NRXN3: variants seen among roughly 807,000 people sequenced by gnomAD.
NRXN3 encodes neurexin 3, also known as neurexin III.
In NRXN3, 32 loss-of-function variants were observed where a neutral mutation model predicts 137.6. The ratio of observed to expected loss-of-function variants is 0.23; its 90% CI spans 0.18 to 0.31. The LOEUF is 0.31. NRXN3 is among the 10% of genes least tolerant of loss of function. The pLI is 1.00. For synonymous variants in NRXN3, 798 were observed against 784.5 expected (o/e 1.02, Z -0.29); for missense variants, 1,574 against 2,062.5 (o/e 0.76, Z 4.59).
At chr14:79,602,349 A>T (rs934410779) in intron 16 of NRXN3, among the ~76,000 whole-genome samples, 3 of 152,226 alleles carry the variant, frequency 2.0e-5, no homozygotes, top group Admixed American at 6.5e-5. Flanking sequence ...GAGTTCATTG[A>T]CAGTGCTTAT....
intron 15 of NRXN3, among the ~76,000 whole-genome samples, chr14:79,309,957 T>C (rs1169386235): frequency 8.3e-6 from 1 of 120,720 alleles, no homozygotes; most frequent in Non-Finnish European, 1.6e-5. Context: ...TTTGTCAATT[T>C]TGGCTTTTGT....
intron 20 of NRXN3, among the ~76,000 whole-genome samples, chr14:79,837,566 C>A (rs1484974385): frequency 6.6e-6 from 1 of 152,090 alleles, no homozygotes; most frequent in African/African-American, 2.4e-5. Context: ...CAGAAATATC[C>A]CCATCTCTTT....
chr14:78,253,600 A>G (rs982348068), intron 2 of NRXN3, among the ~76,000 whole-genome samples: 1 of 152,128 alleles, frequency 6.6e-6, no homozygotes, highest in Non-Finnish European at 1.5e-5. Flanking sequence ...GCTTGAACCC[A>G]GGAGATAAAG....
At chr14:79,267,432 C>T (rs113861375) in intron 15 of NRXN3, among the ~76,000 whole-genome samples, 2 of 150,724 alleles carry the variant, frequency 1.3e-5, no homozygotes, top group African/African-American at 4.9e-5. Flanking sequence ...AATCTTGGCT[C>T]ACTGCAACCT....
intron 15 of NRXN3, among the ~76,000 whole-genome samples, chr14:79,319,470 G>A (rs2089578058): frequency 6.6e-6 from 1 of 152,206 alleles, no homozygotes; most frequent in Non-Finnish European, 1.5e-5. Flanking sequence ...CTTTTAGAAA[G>A]AGAAATAAAT....
chr14:79,773,493 T>C (rs2099086139), intron 19 of NRXN3, among the ~76,000 whole-genome samples: 1 of 151,448 alleles, frequency 6.6e-6, no homozygotes, highest in Non-Finnish European at 1.5e-5. Flanking sequence ...ATGGATGAAA[T>C]TGGAAATCAT....
intron 15 of NRXN3, among the ~76,000 whole-genome samples, chr14:79,295,887 T>C (rs2084014178): frequency 6.6e-6 from 1 of 152,282 alleles, no homozygotes; most frequent in South Asian, 2.1e-4. Context: ...TGTTTACTTT[T>C]TTCGCTATAG....
At chr14:79,727,196 G>A (rs2098895481) in intron 19 of NRXN3, among the ~76,000 whole-genome samples, 1 of 152,112 alleles carries the variant, frequency 6.6e-6, no homozygotes, top group African/African-American at 2.4e-5. Context: ...AGCATTTGCT[G>A]CTTTCTACTA....
intron 8 of NRXN3, among the ~76,000 whole-genome samples, chr14:78,784,059 CAT>C (rs2098780032): frequency 1.3e-5 from 1 of 76,136 alleles, no homozygotes; most frequent in African/African-American, 7.7e-5. Flanking sequence ...TCAGATAACA[CAT>C]GAGAAAAAAA....
chr14:79,316,029 G>T (rs746836982), intron 15 of NRXN3, among the ~76,000 whole-genome samples: 75 of 152,170 alleles, frequency 4.9e-4, no homozygotes, highest in Non-Finnish European at 9.6e-4. Context: ...CCATTGCTTT[G>T]TAAGGTGTAA....
chr14:79,552,893 G>C (rs569317354), intron 16 of NRXN3, among the ~76,000 whole-genome samples: 27 of 152,176 alleles, frequency 1.8e-4, no homozygotes, highest in Non-Finnish European at 3.4e-4. Context: ...GTGCCCTGGA[G>C]GTAGAGACTT....
chr14:79,277,004 T>C (rs1473468441), intron 15 of NRXN3, among the ~76,000 whole-genome samples: 3 of 152,142 alleles, frequency 2.0e-5, no homozygotes, highest in African/African-American at 7.2e-5. Flanking sequence ...GGAGATAAAC[T>C]ATGAACAAGT....
chr14:78,823,756 T>C (rs74509341), intron 10 of NRXN3, among the ~76,000 whole-genome samples: 2,504 of 152,178 alleles, frequency 0.016, 105 homozygotes, highest in South Asian at 0.12. Context: ...TAATACACTA[T>C]AGAAAGAGTC....
At chr14:79,242,486 G>A (rs965336102) in intron 15 of NRXN3, among the ~76,000 whole-genome samples, 7 of 152,146 alleles carry the variant, frequency 4.6e-5, no homozygotes, top group Non-Finnish European at 8.8e-5. Context: ...GCTTTGTGGC[G>A]TGTTTTAATT....
chr14:79,655,508 A>T (rs111868417), intron 16 of NRXN3, among the ~76,000 whole-genome samples: 1 of 152,312 alleles, frequency 6.6e-6, no homozygotes, highest in East Asian at 1.9e-4. Context: ...GCGTGCATAT[A>T]TACCATACAG....
intron 4 of NRXN3, among the ~76,000 whole-genome samples, chr14:78,513,719 A>G (rs2096152491): frequency 6.6e-6 from 1 of 152,142 alleles, no homozygotes; most frequent in Non-Finnish European, 1.5e-5. Flanking sequence ...GGTCTGTAAC[A>G]TCAGCTCGTG....
At chr14:78,854,075 C>A (rs976562276) in intron 10 of NRXN3, among the ~76,000 whole-genome samples, 1 of 152,296 alleles carries the variant, frequency 6.6e-6, no homozygotes, top group African/African-American at 2.4e-5. Context: ...ATATGGCAAC[C>A]TTTAATTATA....
rs149052654 is a variant in NRXN3, at chr14:78,860,538, T to C, written c.2275+50194T>C. On this transcript the variant is annotated intron_variant, in intron 10 of 20. Coordinates refer to ENST00000335750, the MANE Select transcript of NRXN3 (RefSeq NM_001330195.2). Reference sequence around the variant, plus strand: ...GGTTGGAATTTCCATCAAGTGCACATGTACACCTCTTAGAATTGTCACTTT... The same window carrying C: ...GGTTGGAATTTCCATCAAGTGCACACGTACACCTCTTAGAATTGTCACTTT... Among the ~76,000 whole-genome samples the C allele has an allele frequency of 3.2e-3, 486 of 152,264 alleles. 3 individuals are homozygous for C. The highest frequency in any genetic ancestry group is 0.011 in the African/African-American group (466 of 41,570).
At chr14:79,812,441 A>G (rs115435044) in intron 20 of NRXN3, among the ~76,000 whole-genome samples, 31 of 152,240 alleles carry the variant, frequency 2.0e-4, no homozygotes, top group African/African-American at 7.2e-4. Context: ...AATGCCCACG[A>G]TATTATCAGC....
Sources: allele counts gnomAD v4.1 joint callset (sites outside exome capture counted in the v4.1 genomes callset), GRCh38; gene constraint gnomAD v4.1.1; transcripts MANE v1.5; gene names NCBI Gene and HGNC (gene_info 2026-07-23, HGNC 2026-07-21).